RALYL: variants seen among roughly 807,000 people sequenced by gnomAD.
RALYL encodes the protein RNA-binding Raly-like protein.
In RALYL, 29 loss-of-function variants were observed where a neutral mutation model predicts 35.1. The ratio of observed to expected loss-of-function variants is 0.83; its 90% CI spans 0.61 to 1.13. The LOEUF is 1.13. Ranked by LOEUF, RALYL falls within the 50% of genes most tolerant of loss-of-function variation. RALYL has a pLI of 0.00. For missense variants in RALYL, 359 were observed against 360.4 expected (o/e 1.00, Z 0.03); for synonymous variants, 120 against 127.6 (o/e 0.94, Z 0.40).
chr8:84,782,783 G>A (rs758693259), intron 3 of RALYL, among the ~76,000 whole-genome samples: 1 of 152,166 alleles, frequency 6.6e-6, no homozygotes, highest in Admixed American at 6.5e-5. Context: ...TCCCTGCCTG[G>A]GATGAAGATG....
At chr8:84,640,321 A>G (rs945688820) in intron 2 of RALYL, among the ~76,000 whole-genome samples, 1 of 152,018 alleles carries the variant, frequency 6.6e-6, no homozygotes, top group African/African-American at 2.4e-5. Context: ...AAAACCTAAA[A>G]TGTTGTCTCT....
rs778042950 is a variant in RALYL, at chr8:84,409,308, TTAA to T, written c.-23-119987_-23-119985del. Among the ~76,000 whole-genome samples, 20 of 152,208 alleles carry T rather than the reference TTAA, an allele frequency of 1.3e-4. 2 individuals are homozygous for T. In the South Asian group the frequency reaches 3.3e-3, roughly 25 times the overall value. On this transcript the variant is annotated intron_variant, in intron 1 of 8. Coordinates refer to ENST00000521268, the MANE Select transcript of RALYL (RefSeq NM_173848.7). ...TGTATTGAGTGCTCTAGGATAAATA[TTAA>T]TAAGTGAAAATTAACACTAATATAT...
chr8:84,809,762 T>C (rs1825494742), intron 4 of RALYL, among the ~76,000 whole-genome samples: 1 of 152,128 alleles, frequency 6.6e-6, no homozygotes, highest in South Asian at 2.1e-4. Context: ...TTCTAGTTTA[T>C]GTGCATAAAG....
At chr8:84,547,144 G>A (rs1476181688) in intron 2 of RALYL, among the ~76,000 whole-genome samples, 1 of 151,974 alleles carries the variant, frequency 6.6e-6, no homozygotes, top group African/African-American at 2.4e-5. Context: ...AGGCCCCAGT[G>A]TGTGATATTC....
At chr8:84,497,461 AG>A (rs1478273172) in intron 1 of RALYL, among the ~76,000 whole-genome samples, 1 of 152,176 alleles carries the variant, frequency 6.6e-6, no homozygotes, top group Non-Finnish European at 1.5e-5. Flanking sequence ...TGGAATGCAA[AG>A]AATACAGCTT....
At chr8:84,612,228 A>G (rs1378279816) in intron 2 of RALYL, among the ~76,000 whole-genome samples, 1 of 151,874 alleles carries the variant, frequency 6.6e-6, no homozygotes, top group Admixed American at 6.6e-5. Context: ...CATTTGTAAA[A>G]CTTAAAAAAT....
chr8:84,532,048 C>G (rs1026803616), intron 2 of RALYL, among the ~76,000 whole-genome samples: 1 of 152,016 alleles, frequency 6.6e-6, no homozygotes, highest in Non-Finnish European at 1.5e-5. Context: ...ATATCCTAAT[C>G]ATCTATAATC....
intron 8 of RALYL, among the ~76,000 whole-genome samples, chr8:84,915,969 G>C (rs1032589114): frequency 6.6e-6 from 1 of 152,022 alleles, no homozygotes; most frequent in Admixed American, 6.6e-5. Context: ...ATACAGAAAT[G>C]GAAAGATAAA....
At chr8:84,497,923 G>A (rs780365220) in intron 1 of RALYL, among the ~76,000 whole-genome samples, 3 of 150,944 alleles carry the variant, frequency 2.0e-5, no homozygotes, top group Non-Finnish European at 2.9e-5. Context: ...TTACAGGTGT[G>A]AGGAACCACG....
At chr8:84,461,944 C>T (rs913941187) in intron 1 of RALYL, among the ~76,000 whole-genome samples, 29 of 151,534 alleles carry the variant, frequency 1.9e-4, no homozygotes, top group African/African-American at 7.0e-4. Flanking sequence ...AGGATTCACT[C>T]TTTATGTTAT....
intron 7 of RALYL, 137 bp downstream of exon 7, chr8:84,873,534 C>T (rs1015633411): frequency 4.3e-6 from 2 of 469,294 alleles, no homozygotes; most frequent in East Asian, 6.6e-5. Context: ...TGTCTTTAAG[C>T]CCAGAGTTGC....
chr8:84,586,892 T>G (rs1256465377), intron 2 of RALYL, among the ~76,000 whole-genome samples: 1 of 152,192 alleles, frequency 6.6e-6, no homozygotes, highest in African/African-American at 2.4e-5. Context: ...GCTCTCTACA[T>G]CACTGTTAGA....
intron 1 of RALYL, among the ~76,000 whole-genome samples, chr8:84,231,318 T>C (rs929197857): frequency 6.6e-6 from 1 of 152,182 alleles, no homozygotes; most frequent in African/African-American, 2.4e-5. Flanking sequence ...TCAAATTGAC[T>C]GAAGTGAGAA....
intron 2 of RALYL, among the ~76,000 whole-genome samples, chr8:84,568,030 C>T (rs914935247): frequency 1.3e-5 from 2 of 151,104 alleles, no homozygotes; most frequent in African/African-American, 4.9e-5. Flanking sequence ...TGTTCATGTC[C>T]TTTTCCCAGT....
At chr8:84,403,548 T>G (rs2043156375) in intron 1 of RALYL, among the ~76,000 whole-genome samples, 1 of 143,380 alleles carries the variant, frequency 7.0e-6, no homozygotes, top group African/African-American at 2.6e-5. Context: ...TTTTTTTTTT[T>G]TTTTTTAACC....
In RALYL at chr8:84,599,920, T is replaced by G. The variant is rs531942890; in HGVS notation, c.256+70343T>G. Among the ~76,000 whole-genome samples, 217 of 151,632 alleles carry G rather than the reference T, an allele frequency of 1.4e-3. 2 individuals carry two copies. The highest frequency in any genetic ancestry group is 1.8e-3 in the African/African-American group (73 of 41,456). ...TTCAGGGGTTAGCAGGAGGTGTTTT[T>G]TTTTTTTTTTTCTTCTGCCATTATC... is the stretch of plus-strand genomic sequence containing the variant. On this transcript the variant is annotated intron_variant, in intron 2 of 8. Transcript: ENST00000521268.
At chr8:84,635,151 T>G (rs1288853800) in intron 2 of RALYL, among the ~76,000 whole-genome samples, 1 of 151,522 alleles carries the variant, frequency 6.6e-6, no homozygotes, top group Non-Finnish European at 1.5e-5. Context: ...GCTAAGTACT[T>G]TACATATTTT....
At chr8:84,384,491 A>G (rs567076891) in intron 1 of RALYL, among the ~76,000 whole-genome samples, 25 of 151,870 alleles carry the variant, frequency 1.6e-4, no homozygotes, top group Admixed American at 9.2e-4. Flanking sequence ...TCTATTATAG[A>G]TATTCTTTGA....
At chr8:84,512,762 C>T (rs553879098) in intron 1 of RALYL, among the ~76,000 whole-genome samples, 4 of 152,162 alleles carry the variant, frequency 2.6e-5, no homozygotes, top group Non-Finnish European at 4.4e-5. Context: ...CCAATTTTCC[C>T]AGCACCATTT....
Sources: allele counts gnomAD v4.1 joint callset (sites outside exome capture counted in the v4.1 genomes callset), GRCh38; gene constraint gnomAD v4.1.1; transcripts MANE v1.5; gene names NCBI Gene and HGNC (gene_info 2026-07-23, HGNC 2026-07-21).